PWWP2A: variants seen among roughly 807,000 people sequenced by gnomAD.
PWWP2A encodes the protein PWWP domain-containing protein 2A.
A neutral mutation model predicts 48.5 loss-of-function variants in PWWP2A; 18 were observed. That is an observed-to-expected ratio of 0.37 (90% CI 0.26 to 0.55). The LOEUF (loss-of-function observed/expected upper bound fraction) is 0.55. Among genes scored for constraint, PWWP2A ranks in the 20% least tolerant of loss-of-function variants. The pLI is 0.81. For synonymous variants in PWWP2A, 396 were observed against 387.7 expected (o/e 1.02, Z -0.25); for missense variants, 867 against 976.4 (o/e 0.89, Z 1.49).
At chr5:160,098,242 A>G (rs1755890331) in intron 1 of PWWP2A, among the ~76,000 whole-genome samples, 1 of 152,204 alleles carries the variant, frequency 6.6e-6, no homozygotes, top group Admixed American at 6.5e-5. Context: ...TTTTAGTAAC[A>G]TAGGGAAGAA....
intron 3 of PWWP2A, among the ~76,000 whole-genome samples, chr5:160,079,080 C>G (rs1467964491): frequency 1.3e-5 from 2 of 151,964 alleles, no homozygotes; most frequent in African/African-American, 4.8e-5. Context: ...AAGAGATGAT[C>G]CGTGGAAAGA....
intron 5 of PWWP2A, among the ~76,000 whole-genome samples, chr5:160,063,358 G>T (rs925418561): frequency 6.6e-6 from 1 of 152,154 alleles, no homozygotes; most frequent in Non-Finnish European, 1.5e-5. Context: ...TGTGACAACA[G>T]GTGTGTGCCA....
At chr5:160,115,626 G>T (rs984442149) in intron 1 of PWWP2A, among the ~76,000 whole-genome samples, 3 of 151,822 alleles carry the variant, frequency 2.0e-5, no homozygotes, top group South Asian at 2.1e-4. Flanking sequence ...CCAGGAGGTG[G>T]AGGTTGCACT....
chr5:160,095,006 C>A (rs1313214564), intron 1 of PWWP2A, among the ~76,000 whole-genome samples: 2 of 128,310 alleles, frequency 1.6e-5, no homozygotes, highest in East Asian at 2.5e-4. Flanking sequence ...TGAGATCACA[C>A]CACTGCACTC....
the PWWP2A span, chr5:160,050,977 G>T: frequency 1.9e-3 from 830 of 447,196 alleles, 4 homozygotes; most frequent in African/African-American, 5.7e-3. Context: ...AATACTTGGG[G>T]TTTTTTTTTT....
At chr5:160,116,349 C>T (rs759471936) in intron 1 of PWWP2A, among the ~76,000 whole-genome samples, 32 of 152,020 alleles carry the variant, frequency 2.1e-4, no homozygotes, top group Non-Finnish European at 3.8e-4. Flanking sequence ...CCAGCTACTC[C>T]GGAGGCTGAG....
chr5:160,068,017 C>G (rs1310333262), intron 2 of PWWP2A, among the ~76,000 whole-genome samples: 1 of 152,234 alleles, frequency 6.6e-6, no homozygotes, highest in East Asian at 1.9e-4. Flanking sequence ...CCCATCTCTA[C>G]TAAAAATACA....
chr5:160,090,560 G>T, downstream of PWWP2A: 1 of 984,132 alleles, frequency 1.0e-6, no homozygotes, highest in Non-Finnish European at 1.2e-6. Flanking sequence ...CAAAATGTGT[G>T]TTTATTATAA....
the PWWP2A span, among the ~76,000 whole-genome samples, chr5:160,048,281 A>G: frequency 1.3e-5 from 2 of 151,740 alleles, no homozygotes; most frequent in African/African-American, 4.8e-5. Flanking sequence ...CCACCCAAAT[A>G]GCTGGGATTA....
At chr5:160,103,887 C>G (rs1235057618) in intron 1 of PWWP2A, among the ~76,000 whole-genome samples, 1 of 151,122 alleles carries the variant, frequency 6.6e-6, no homozygotes, top group Non-Finnish European at 1.5e-5. Flanking sequence ...TCTGGGAGGC[C>G]GAGGTGGGTG....
At chr5:160,056,925 A>G (rs367851348), downstream of PWWP2A, among the ~76,000 whole-genome samples, 4 of 152,058 alleles carry the variant, frequency 2.6e-5, no homozygotes, top group South Asian at 2.1e-4. Context: ...TTGACTTGTT[A>G]CCACCCCTCT....
chr5:160,103,443 C>T (rs959202294), intron 1 of PWWP2A, among the ~76,000 whole-genome samples: 3 of 152,120 alleles, frequency 2.0e-5, no homozygotes, highest in Admixed American at 2.0e-4. Flanking sequence ...AACAAGTATG[C>T]TAACTGGTCT....
intron 4 of PWWP2A, among the ~76,000 whole-genome samples, chr5:160,065,837 A>C (rs905825769): frequency 1.6e-4 from 24 of 152,352 alleles, no homozygotes; most frequent in African/African-American, 4.8e-4. Flanking sequence ...AGCTTCATTG[A>C]GGAATGGTAG....
In PWWP2A at chr5:160,077,874, A is replaced by T. The variant is rs1478221638; in HGVS notation, c.*281T>A. On this transcript the variant is annotated 3_prime_UTR_variant, in exon 4 of 4. Coordinates refer to the PWWP2A transcript ENST00000456329. This position sits in a 1 kb window ranked among gnomAD's most constrained non-coding sequence, Gnocchi z 4.2. ...AGTTACTGTCAGTGTTTCTTCATAT[A>T]TAAAATTCAAGTGAGTTCTTACGTG... The T allele has an allele frequency of 2.8e-6, 1 of 359,646 alleles. No individual in the cohort carries two copies. The highest frequency in any genetic ancestry group is 5.1e-6 in the Non-Finnish European group (1 of 196,764). 22.3% of individuals were successfully genotyped at this position (359,646 alleles called of 1,614,324 possible). A position where few individuals can be genotyped will look rare whatever the true frequency, so the allele number is the denominator to read the frequency against.
chr5:160,075,805 T>TAAAAAAAAAA (rs58558222), downstream of PWWP2A: 1 of 69,840 alleles, frequency 1.4e-5, no homozygotes, highest in Non-Finnish European at 2.6e-5. Flanking sequence ...ATTCTAATAG[T>TAAAAAAAAAA]AAAAAAAAAA....
chr5:160,061,423 A>T (rs1167809100), downstream of PWWP2A, among the ~76,000 whole-genome samples: 1 of 152,162 alleles, frequency 6.6e-6, no homozygotes, highest in South Asian at 2.1e-4. Context: ...TTCCTTGTCA[A>T]ATTCTAAGCT....
At position 160,092,748 on chromosome 5, in the gene PWWP2A, T is replaced by C. The variant is rs1755210914; in HGVS notation, c.1902A>G (p.Lys634=). 2 of 1,551,634 alleles carry C rather than the reference T, an allele frequency of 1.3e-6. No homozygotes were observed. Among genetic ancestry groups the C allele is most frequent in the Admixed American group, 2.0e-5 (1 of 50,984 alleles). ...KEEKKLSNSL[K]MKVFSKNVSK... ...AGACGTTTTTGGAAAAGACTTTCAT[T>C]TTCAAGGAATTACTGAGCTTTTTCT... The change falls in exon 2 of 2, where the codon AAA becomes AAG. Residue 634 remains lysine, a synonymous_variant. Coordinates refer to ENST00000307063, the MANE Select transcript of PWWP2A (RefSeq NM_001130864.2).
Position 160,092,143 on chromosome 5 carries a change from T to G in PWWP2A, c.*239A>C. ...TATGGCTCCTATGCCTTGGGATGGT[T>G]TCGAACTTCAAAACTGAAAAATACT... On this transcript the variant is annotated 3_prime_UTR_variant, in exon 2 of 2. Transcript: ENST00000307063. The G allele has an allele frequency of 8.0e-7, 1 of 1,254,272 alleles. No homozygotes were observed. Among genetic ancestry groups the G allele is most frequent in the Non-Finnish European group, 1.0e-6 (1 of 997,836 alleles). The allele number at this position is 1,254,272 out of a possible 1,614,324, so 77.7% of individuals were successfully genotyped here. A position where few individuals can be genotyped will look rare whatever the true frequency, so the allele number is the denominator to read the frequency against.
intron 1 of PWWP2A, among the ~76,000 whole-genome samples, chr5:160,112,951 G>T (rs1757740876): frequency 6.6e-6 from 1 of 152,178 alleles, no homozygotes; most frequent in Non-Finnish European, 1.5e-5. Context: ...GAGGTCAGGA[G>T]TTCGAGACCA....
Sources: gnomAD v4.1 joint callset for allele counts (sites outside exome capture counted in the v4.1 genomes callset) on GRCh38, gnomAD v4.1.1 for gene constraint, Gnocchi (gnomAD v3.1) non-coding constraint, MANE v1.5 for transcripts, NCBI Gene and HGNC (gene_info 2026-07-23, HGNC 2026-07-21) for gene names.